The following HIRA variants were observed in gnomAD, a reference collection of about 807,000 sequenced individuals.
The protein encoded by HIRA is histone cell cycle regulator.
HIRA carries 13 observed loss-of-function variants against 126.6 expected under a neutral mutation model. That is an observed-to-expected ratio of 0.10 (90% CI 0.07 to 0.16). The LOEUF (loss-of-function observed/expected upper bound fraction) is 0.16. Ranked by LOEUF, HIRA falls within the 10% of genes least tolerant of loss-of-function variation. HIRA has a pLI of 1.00. For synonymous variants in HIRA, 511 were observed against 520.0 expected (o/e 0.98, Z 0.24); for missense variants, 834 against 1,314.4 (o/e 0.63, Z 5.65).
intron 20 of HIRA, 107 bp from the exon 21 acceptor site, chr22:19,355,972 A>G: frequency 1.2e-6 from 1 of 820,540 alleles, no homozygotes; most frequent in East Asian, 2.7e-5. Flanking sequence ...CCCAGCAGCA[A>G]ATGCATCAAC....
In HIRA at chr22:19,407,191, G is replaced by T; in HGVS notation, c.295C>A (p.Arg99=). 1 of 1,611,928 alleles carries T rather than the reference G, an allele frequency of 6.2e-7. No homozygotes were observed. The highest frequency in any genetic ancestry group is 8.5e-7 in the Non-Finnish European group (1 of 1,178,176). ...AAGGAAAATGATGCTTACGTAGCCC[G>T]CTTCCACACCATAATCAGTTTGTCA... ...GDDKLIMVWK[R]ATYIGPSTVF... Residue 99 remains arginine (R), a synonymous_variant, in exon 4 of 25, where the codon CGG becomes AGG. Transcript: ENST00000263208.
chr22:19,413,595 C>CTATTTATTTATTTATTTATT (rs376817979), intron 1 of HIRA, among the ~76,000 whole-genome samples: 2 of 143,668 alleles, frequency 1.4e-5, no homozygotes, highest in Non-Finnish European at 3.0e-5. Flanking sequence ...GGGAATGAAA[C>CTATTTATTTATTTATTTATT]TATTTATTTA....
intron 1 of HIRA, among the ~76,000 whole-genome samples, chr22:19,424,360 C>A (rs908563322): frequency 6.6e-6 from 1 of 152,214 alleles, no homozygotes; most frequent in African/African-American, 2.4e-5. Flanking sequence ...CAGACCTCTC[C>A]CTTCTGCTTC....
chr22:19,398,924 G>A (rs1333886938), intron 5 of HIRA, among the ~76,000 whole-genome samples: 5 of 152,040 alleles, frequency 3.3e-5, no homozygotes, highest in African/African-American at 1.2e-4. Flanking sequence ...GACCATGATT[G>A]CACCACTGCA....
In HIRA at chr22:19,431,546, A is replaced by G. The variant is rs889461614; in HGVS notation, c.-70T>C. On this transcript the variant is annotated 5_prime_UTR_variant, in exon 1 of 25. Transcript: ENST00000263208. ...CTCAGCGCGCCCGGGCCATGGAGCC[A>G]CCGCCGCCGCTTCCTCCCGCGCCAC... The G allele has an allele frequency of 2.1e-5, 25 of 1,217,568 alleles. No individual in the cohort carries two copies. The African/African-American group carries it at 4.0e-4, about 20-fold the overall frequency. The allele number at this position is 1,217,568 out of a possible 1,614,324, so 75.4% of individuals were successfully genotyped here. A position where few individuals can be genotyped will look rare whatever the true frequency, so the allele number is the denominator to read the frequency against.
Position 19,393,195 on chromosome 22 carries a change from C to T in HIRA, c.823-981G>A, listed in dbSNP as rs555270350. On this transcript the variant is annotated intron_variant, in intron 8 of 24. Transcript: ENST00000263208. The stretch of plus-strand genomic sequence containing the variant: ...TTGTGAGGACTGCATGGGAGAATCA[C>T]GTAGAGCACTAACCATGAAGCACTG... 5.9e-5 allele frequency among the ~76,000 whole-genome samples: 9 copies of T among 152,188 alleles called. No individual in the cohort carries two copies. The South Asian group carries it at 8.3e-4, about 14-fold the overall frequency.
chr22:19,384,875 A>G (rs1451439048), intron 12 of HIRA, among the ~76,000 whole-genome samples: 1 of 151,540 alleles, frequency 6.6e-6, no homozygotes, highest in African/African-American at 2.4e-5. Flanking sequence ...GGCTGGTCGG[A>G]ACTCCTGACC....
In HIRA at chr22:19,359,424, C is replaced by A. The variant is rs139903076; in HGVS notation, c.2146G>T (p.Val716Leu). The change falls in exon 18 of 25, where the codon GTG becomes TTG. Residue 716 changes from valine (V) to leucine (L), a missense_variant. Val to Leu is a conservative substitution (Grantham distance 32). Around this residue, in one of 5 missense-constraint regions of HIRA, gnomAD observed 468 missense variants for 574.2 expected, o/e 0.82. Coordinates refer to ENST00000263208, the MANE Select transcript of HIRA (RefSeq NM_003325.4). ...TTGCACTTCAGGCGGCTCAGCTTCA[C>A]GCCCCCCACCACTGTCACTTCATTC... Reference protein sequence around the residue: ...VENEVTVVGGVKLSRLKCNRE... With the variant: ...VENEVTVVGGLKLSRLKCNRE... The A allele has an allele frequency of 3.1e-6, 5 of 1,609,956 alleles. No individual in the cohort carries two copies. The Admixed American group carries it at 6.8e-5, about 22-fold the overall frequency.
intron 24 of HIRA, among the ~76,000 whole-genome samples, chr22:19,343,913 T>C (rs2088659572): frequency 6.6e-6 from 1 of 150,588 alleles, no homozygotes. Flanking sequence ...AGTCTTGCTA[T>C]GTTGCTCAGG....
chr22:19,375,695 C>T lies in HIRA; in HGVS notation c.1711G>A (p.Glu571Lys), dbSNP rs747362379. 10 of 1,614,064 alleles carry T rather than the reference C, an allele frequency of 6.2e-6. No individual in the cohort carries two copies. The highest frequency in any genetic ancestry group is 8.5e-6 in the Non-Finnish European group (10 of 1,180,048). ...PMKAFDSRFT[E>K]RSKATPGAPA... is the part of the protein sequence containing the mutation. The stretch of plus-strand genomic sequence containing the variant: ...GCACCTGGTGTGGCTTTGGACCGCT[C>T]TGTGAACCGGGAGTCAAACGCTTTC... The change falls in exon 15 of 25, where the codon GAG becomes AAG. Residue 571 changes from glutamate (E) to lysine (K), a missense_variant. This residue lies in a region of HIRA where 468 missense variants were observed against 574.2 expected (regional missense o/e 0.82). Transcript: ENST00000263208.
intron 2 of HIRA, 28 bp downstream of exon 2, chr22:19,410,688 T>C: frequency 6.3e-7 from 1 of 1,581,944 alleles, no homozygotes; most frequent in Non-Finnish European, 8.7e-7. Context: ...GCTGTTAAGC[T>C]TTCCCTTTCT....
At chr22:19,365,293 A>G (rs1320836926) in intron 15 of HIRA, among the ~76,000 whole-genome samples, 3 of 152,244 alleles carry the variant, frequency 2.0e-5, no homozygotes, top group Admixed American at 6.5e-5. Flanking sequence ...ACAGATTGTC[A>G]GTGTAGGTAA....
intron 20 of HIRA, 72 bp downstream of exon 20, chr22:19,356,158 G>C: frequency 7.2e-7 from 1 of 1,394,300 alleles, no homozygotes; most frequent in South Asian, 1.2e-5. Flanking sequence ...CTCTCTGAGC[G>C]GGGCCCTTCT....
chr22:19,348,309 G>A (rs1312685765), intron 24 of HIRA, among the ~76,000 whole-genome samples: 1 of 152,140 alleles, frequency 6.6e-6, no homozygotes, highest in African/African-American at 2.4e-5. Flanking sequence ...AGGTACATAA[G>A]GAGATAAGAC....
intron 1 of HIRA, among the ~76,000 whole-genome samples, chr22:19,420,567 T>A (rs1488999713): frequency 6.6e-6 from 1 of 151,966 alleles, no homozygotes; most frequent in East Asian, 1.9e-4. Flanking sequence ...TTCTTAATAC[T>A]TCTTTCCCCC....
chr22:19,344,812 C>A (rs2088668515), intron 24 of HIRA, among the ~76,000 whole-genome samples: 1 of 152,046 alleles, frequency 6.6e-6, no homozygotes, highest in Non-Finnish European at 1.5e-5. Context: ...TCCTTGAATG[C>A]AAGAATGGTT....
At chr22:19,368,349 A>G (rs1362979319) in intron 15 of HIRA, among the ~76,000 whole-genome samples, 1 of 152,186 alleles carries the variant, frequency 6.6e-6, no homozygotes, top group Non-Finnish European at 1.5e-5. Flanking sequence ...AATGTCCTAC[A>G]ACAGGGCAAA....
intron 9 of HIRA, among the ~76,000 whole-genome samples, chr22:19,391,107 G>A (rs2089177019): frequency 1.3e-5 from 2 of 152,200 alleles, no homozygotes; most frequent in South Asian, 4.2e-4. Flanking sequence ...CCATCAACAG[G>A]AGACTGTATA....
At chr22:19,376,865 G>A (rs1196383280) in intron 14 of HIRA, among the ~76,000 whole-genome samples, 1 of 152,208 alleles carries the variant, frequency 6.6e-6, no homozygotes, top group Non-Finnish European at 1.5e-5. Flanking sequence ...ATGGAGAATC[G>A]CTCTGACGGT....
Sources: gnomAD v4.1 joint callset for allele counts (sites outside exome capture counted in the v4.1 genomes callset) on GRCh38, gnomAD v4.1.1 for gene constraint, gnomAD v4.1.1 regional missense constraint, MANE v1.5 for transcripts, NCBI Gene and HGNC (gene_info 2026-07-23, HGNC 2026-07-21) for gene names.